DLEC1: variants seen among roughly 807,000 people sequenced by gnomAD.
DLEC1 encodes DLEC1 cilia and flagella associated protein, also known as deleted in lung and esophageal cancer protein 1.
DLEC1 carries 146 observed loss-of-function variants against 198.1 expected under a neutral mutation model. The observed-to-expected ratio is 0.74, with a 90% CI of 0.64 to 0.85. The LOEUF is 0.85. DLEC1 is among the 40% of genes least tolerant of loss of function. The pLI, the probability that DLEC1 is intolerant of heterozygous loss-of-function variation, is 0.00. For synonymous variants in DLEC1, 897 were observed against 866.8 expected (o/e 1.03, Z -0.61); for missense variants, 2,233 against 2,220.0 (o/e 1.01, Z -0.12).
Position 38,112,814 on chromosome 3 carries a change from G to C in DLEC1, c.3666+453G>C, listed in dbSNP as rs1217991890. Among the ~76,000 whole-genome samples, 1 of 152,126 alleles carries C rather than the reference G, an allele frequency of 6.6e-6. No homozygotes were observed. The highest frequency in any genetic ancestry group is 1.5e-5 in the Non-Finnish European group (1 of 68,012). ...ATAAATGGAGTATCTACTGTGTGTG[G>C]GTTCCTGTGTGGGCCGCTGTAGTGT... On this transcript the variant is annotated intron_variant, in intron 25 of 36. Transcript: ENST00000308059. This position sits in a 1 kb window ranked among gnomAD's most constrained non-coding sequence, Gnocchi z 4.8.
In DLEC1 at chr3:38,095,941, T is replaced by C. The variant is rs755014355; in HGVS notation, c.2166T>C (p.Pro722=). 6.2e-7 allele frequency: 1 copy of C among 1,613,642 alleles called. No homozygotes were observed. The highest frequency in any genetic ancestry group is 8.5e-7 in the Non-Finnish European group (1 of 1,179,960). The change falls in exon 14 of 37, where the codon CCT becomes CCC. Residue 722 remains proline, a synonymous_variant. Transcript: ENST00000308059. ...TGGTGCTAGAGGAAGTCCCAGAGCC[T>C]GTAAGGTGAGAGAAACTGGGCCCTG... ...LQMVLEEVPE[P]VSSEAESLGH... is the part of the protein sequence containing the mutation.
intron 2 of DLEC1, among the ~76,000 whole-genome samples, chr3:38,056,092 C>G (rs1696350694): frequency 6.6e-6 from 1 of 150,744 alleles, no homozygotes; most frequent in Admixed American, 6.6e-5. Flanking sequence ...CACACACACA[C>G]ACACACACAC....
At position 38,112,286 on chromosome 3, in the gene DLEC1, C is replaced by G; in HGVS notation, c.3591C>G (p.Pro1197=). The G allele has an allele frequency of 6.2e-7, 1 of 1,614,178 alleles. No homozygotes were observed. The highest frequency in any genetic ancestry group is 8.5e-7 in the Non-Finnish European group (1 of 1,180,018). The change falls in exon 25 of 37, where the codon CCC becomes CCG. Residue 1197 remains proline (P), a synonymous_variant. Coordinates refer to ENST00000308059, the MANE Select transcript of DLEC1 (RefSeq NM_007335.4). This position sits in a 1 kb window ranked among gnomAD's most constrained non-coding sequence, Gnocchi z 4.8. ...ACTTTTCCCAGGGCATGCTGGGGCC[C>G]TACCAGCAGCTGTGCATTGACATCA... The part of the protein sequence containing the change: ...FPHFSQGMLG[P]YQQLCIDITG...
At chr3:38,059,607 T>G (rs1696568198) in intron 2 of DLEC1, 135 bp from the exon 3 acceptor site, 1 of 710,918 alleles carries the variant, frequency 1.4e-6, no homozygotes, top group Non-Finnish European at 2.4e-6. Context: ...TTCTTAAATC[T>G]CAACATTCCC....
chr3:38,065,342 G>A (rs1439358874), intron 6 of DLEC1, among the ~76,000 whole-genome samples: 2 of 148,178 alleles, frequency 1.3e-5, no homozygotes, highest in African/African-American at 5.3e-5. Flanking sequence ...GGGAGAGGGA[G>A]AGGGAGGAGA....
At chr3:38,061,124 G>A (rs572015962) in intron 3 of DLEC1, among the ~76,000 whole-genome samples, 1 of 152,314 alleles carries the variant, frequency 6.6e-6, no homozygotes, top group East Asian at 1.9e-4. Context: ...ATTCTTGCTA[G>A]CAATGAATGT....
chr3:38,057,976 C>A (rs1001553224), intron 2 of DLEC1, among the ~76,000 whole-genome samples: 6 of 152,054 alleles, frequency 3.9e-5, no homozygotes, highest in African/African-American at 1.4e-4. Flanking sequence ...GCCACCACAC[C>A]TGGCTAATTT....
intron 2 of DLEC1, among the ~76,000 whole-genome samples, chr3:38,050,559 G>A (rs1204178604): frequency 6.6e-6 from 1 of 151,892 alleles, no homozygotes; most frequent in East Asian, 1.9e-4. Flanking sequence ...GTTTTGGGGG[G>A]GCCAGGTGAG....
At chr3:38,071,414 C>T (rs1351322381) in intron 6 of DLEC1, among the ~76,000 whole-genome samples, 4 of 152,160 alleles carry the variant, frequency 2.6e-5, no homozygotes, top group South Asian at 2.1e-4. Context: ...GACGGGCTAG[C>T]GGCTTGTAAC....
chr3:38,120,009 G>C (rs571600234), intron 33 of DLEC1, among the ~76,000 whole-genome samples: 35 of 152,278 alleles, frequency 2.3e-4, no homozygotes, highest in African/African-American at 8.4e-4. Flanking sequence ...GCTTCATCCT[G>C]TCCAGCCTCA....
chr3:38,100,534 C>A lies in DLEC1; in HGVS notation c.2864+109C>A, dbSNP rs1181168899. 4.5e-6 allele frequency: 6 copies of A among 1,329,522 alleles called. No homozygotes were observed. In the African/African-American group the frequency reaches 6.0e-5, roughly 13 times the overall value. 82.4% of individuals were successfully genotyped at this position (1,329,522 alleles called of 1,614,324 possible). On this transcript the variant is annotated intron_variant, in intron 19 of 36. Transcript: ENST00000308059. The stretch of plus-strand genomic sequence containing the variant: ...TGTTCTGGATTTAAAACTATTGAAT[C>A]CAGAAAATTAGTATTCTATAAAATT...
chr3:38,060,062 G>C (rs974761443), intron 3 of DLEC1, among the ~76,000 whole-genome samples: 2 of 152,328 alleles, frequency 1.3e-5, no homozygotes, highest in East Asian at 3.9e-4. Flanking sequence ...TGAAGTCCAG[G>C]CTTCTCCATG....
In DLEC1 at chr3:38,122,086, C is replaced by A. The variant is rs1700502709; in HGVS notation, c.5036C>A (p.Ala1679Asp). ...WTMLMGQQEP[A>D]KAAVAFRVSP... ...TTTGGTGCAGGCCAGCAGGAGCCAG[C>A]CAAGGCCGCTGTGGCCTTCAGGGTC... Residue 1679 changes from alanine to aspartate, a missense_variant, in exon 36 of 37, where the codon GCC (alanine) becomes GAC (aspartate). By Grantham distance (126) the Ala-to-Asp change is moderately radical. Coordinates refer to ENST00000308059, the MANE Select transcript of DLEC1 (RefSeq NM_007335.4). 2 of 1,613,924 alleles carry A rather than the reference C, an allele frequency of 1.2e-6. No homozygotes were observed. Among genetic ancestry groups the A allele is most frequent in the Non-Finnish European group, 1.7e-6 (2 of 1,179,952 alleles).
At chr3:38,095,796 G>A (rs776024145) in intron 13 of DLEC1, 92 bp from the exon 14 acceptor site, 293 of 1,527,884 alleles carry the variant, frequency 1.9e-4, no homozygotes, top group Admixed American at 2.4e-4. Flanking sequence ...GCTAGGCTAA[G>A]GGGAGGAAGA....
Position 38,112,324 on chromosome 3 carries a change from A to C in DLEC1, c.3629A>C (p.Asn1210Thr), listed in dbSNP as rs753697421. Residue 1210 changes from asparagine (N) to threonine (T), a missense_variant, in exon 25 of 37, where the codon AAC becomes ACC. Transcript: ENST00000308059. The surrounding 1 kb of genome is among the most constrained non-coding windows in gnomAD (Gnocchi z 4.8). ...QLCIDITGCA[N>T]MWGEYWDNLI... Reference sequence around the variant, plus strand: ...TGCATTGACATCACAGGCTGTGCCAACATGTGGGGCGAGTACTGGGACAAC... The same window carrying C: ...TGCATTGACATCACAGGCTGTGCCACCATGTGGGGCGAGTACTGGGACAAC... 5.0e-6 allele frequency: 8 copies of C among 1,614,138 alleles called. No individual in the cohort carries two copies. Among genetic ancestry groups the C allele is most frequent in the Middle Eastern group, 1.6e-4 (1 of 6,062 alleles).
At position 38,107,673 on chromosome 3, in the gene DLEC1, C is replaced by A; in HGVS notation, c.2954C>A (p.Pro985His). The stretch of plus-strand genomic sequence containing the variant: ...GTTAGAAATCTCTACCTGGGTGTGC[C>A]CACGAAGACAACCATCACACTTATC... Reference protein sequence around the residue: ...VEVRNLYLGVPTKTTITLING... With the variant: ...VEVRNLYLGVHTKTTITLING... The change falls in exon 20 of 37, where the codon CCC becomes CAC. Residue 985 changes from proline (P) to histidine (H), a missense_variant. Coordinates refer to ENST00000308059, the MANE Select transcript of DLEC1 (RefSeq NM_007335.4). The A allele has an allele frequency of 6.2e-7, 1 of 1,614,094 alleles. No individual in the cohort carries two copies. The highest frequency in any genetic ancestry group is 8.5e-7 in the Non-Finnish European group (1 of 1,180,014).
chr3:38,072,460 T>G (rs1697373695), intron 6 of DLEC1, among the ~76,000 whole-genome samples: 1 of 152,090 alleles, frequency 6.6e-6, no homozygotes, highest in African/African-American at 2.4e-5. Flanking sequence ...GGTCCTTGTG[T>G]AAGAATTCTG....
At chr3:38,064,740 G>A (rs1301717137) in intron 6 of DLEC1, among the ~76,000 whole-genome samples, 23 of 151,616 alleles carry the variant, frequency 1.5e-4, no homozygotes, top group Non-Finnish European at 1.5e-4. Context: ...CATCTCAGAC[G>A]GGGCGGCGGG....
chr3:38,087,917 G>A (rs1333217226), intron 9 of DLEC1, among the ~76,000 whole-genome samples: 2 of 152,180 alleles, frequency 1.3e-5, no homozygotes, highest in Admixed American at 6.5e-5. Flanking sequence ...GTTACTGTAG[G>A]AAAAGGACAA....
Sources: gnomAD v4.1 joint callset for allele counts (sites outside exome capture counted in the v4.1 genomes callset) on GRCh38, gnomAD v4.1.1 for gene constraint, Gnocchi (gnomAD v3.1) non-coding constraint, MANE v1.5 for transcripts, NCBI Gene and HGNC (gene_info 2026-07-23, HGNC 2026-07-21) for gene names.